PLSCR4: variants seen among roughly 807,000 people sequenced by gnomAD.
PLSCR4 encodes the protein phospholipid scramblase 4.
Under a neutral mutation model 36.3 loss-of-function variants are expected in PLSCR4, and 25 were observed. The observed-to-expected ratio is 0.69, with a 90% CI of 0.50 to 0.96. The LOEUF is 0.96. PLSCR4 is among the 40% of genes least tolerant of loss of function. PLSCR4 has a pLI of 0.00. For missense variants in PLSCR4, 408 were observed against 414.7 expected, an observed-to-expected ratio of 0.98 and a Z score of 0.14; for synonymous variants, 122 against 132.9, an observed-to-expected ratio of 0.92 and a Z score of 0.56.
intron 1 of PLSCR4, among the ~76,000 whole-genome samples, chr3:146,239,492 G>C (rs2107844773): frequency 7.2e-6 from 1 of 138,254 alleles, no homozygotes; most frequent in East Asian, 2.2e-4. Context: ...TCAACAAATA[G>C]TGCTGAGACA....
At chr3:146,207,974 G>C (rs1375028200) in intron 3 of PLSCR4, among the ~76,000 whole-genome samples, 1 of 151,986 alleles carries the variant, frequency 6.6e-6, no homozygotes, top group Non-Finnish European at 1.5e-5. Context: ...CATAGCCAAA[G>C]CAAAACTAAG....
intron 3 of PLSCR4, among the ~76,000 whole-genome samples, chr3:146,218,912 T>A (rs1252840479): frequency 1.3e-5 from 2 of 152,170 alleles, no homozygotes; most frequent in African/African-American, 4.8e-5. Flanking sequence ...ACAAGAATAG[T>A]GGATAAAATT....
In PLSCR4 at chr3:146,210,249, G is replaced by A. The variant is rs867100441; in HGVS notation, c.119-3488C>T. Among the ~76,000 whole-genome samples the A allele has an allele frequency of 1.9e-4, 29 of 152,120 alleles. No homozygotes were observed. In the Middle Eastern group the frequency reaches 0.01, roughly 54 times the overall value. ...TCCACACTTTTTTGAATCCATGGAT[G>A]AAGAATTCACAAATATAGGGGTCCA... On this transcript the variant is annotated intron_variant, in intron 3 of 8. Coordinates refer to ENST00000354952, the MANE Select transcript of PLSCR4 (RefSeq NM_020353.3).
intron 3 of PLSCR4, among the ~76,000 whole-genome samples, chr3:146,208,862 A>G (rs570596422): frequency 5.3e-5 from 8 of 152,154 alleles, no homozygotes; most frequent in Non-Finnish European, 1.2e-4. Flanking sequence ...GAGATTCCTT[A>G]AAGAACTAAA....
chr3:146,207,483 G>A (rs147047155), intron 3 of PLSCR4, among the ~76,000 whole-genome samples: 245 of 152,224 alleles, frequency 1.6e-3, no homozygotes, highest in African/African-American at 5.7e-3. Flanking sequence ...AACCTGGTGA[G>A]AGCCTTTCCT....
intron 3 of PLSCR4, among the ~76,000 whole-genome samples, chr3:146,207,221 T>G (rs1262986177): frequency 6.6e-6 from 1 of 152,166 alleles, no homozygotes; most frequent in Non-Finnish European, 1.5e-5. Context: ...AATGTCTACT[T>G]CATTTCAAAG....
chr3:146,236,591 A>G (rs1389164005), intron 1 of PLSCR4, among the ~76,000 whole-genome samples: 1 of 152,098 alleles, frequency 6.6e-6, no homozygotes, highest in Non-Finnish European at 1.5e-5. Context: ...CATAAGGGGA[A>G]GTTTCCCTGC....
At chr3:146,197,155 G>C (rs1395850278) in intron 6 of PLSCR4, among the ~76,000 whole-genome samples, 1 of 152,166 alleles carries the variant, frequency 6.6e-6, no homozygotes, top group South Asian at 2.1e-4. Flanking sequence ...AGGCTTGCAA[G>C]TGTTAAACAC....
intron 1 of PLSCR4, among the ~76,000 whole-genome samples, chr3:146,234,105 A>T (rs1324467515): frequency 1.3e-5 from 2 of 152,220 alleles, no homozygotes; most frequent in Non-Finnish European, 2.9e-5. Context: ...CCTAAACAGA[A>T]TGAATGAACA....
chr3:146,208,322 A>T (rs2034443202), intron 3 of PLSCR4, among the ~76,000 whole-genome samples: 1 of 152,176 alleles, frequency 6.6e-6, no homozygotes, highest in African/African-American at 2.4e-5. Flanking sequence ...GAAACTATAA[A>T]AATTCTAGAA....
At chr3:146,245,395 A>T (rs116487679) in intron 1 of PLSCR4, among the ~76,000 whole-genome samples, 1,522 of 152,110 alleles carry the variant, frequency 0.01, 17 homozygotes, top group African/African-American at 0.035. Flanking sequence ...AACCCAAGTA[A>T]ATTTCCTCTA....
At chr3:146,232,170 T>G (rs1335287968) in intron 1 of PLSCR4, among the ~76,000 whole-genome samples, 1 of 152,164 alleles carries the variant, frequency 6.6e-6, no homozygotes, top group Non-Finnish European at 1.5e-5. Flanking sequence ...GTTGTAAGTG[T>G]GCAGCTTTAT....
chr3:146,221,426 C>G (rs938537633), intron 2 of PLSCR4, among the ~76,000 whole-genome samples: 11 of 152,276 alleles, frequency 7.2e-5, no homozygotes, highest in Admixed American at 2.0e-4. Flanking sequence ...ATAGTTTAGT[C>G]TACATCTCCA....
At chr3:146,231,814 A>T (rs2035727791) in intron 1 of PLSCR4, among the ~76,000 whole-genome samples, 1 of 151,882 alleles carries the variant, frequency 6.6e-6, no homozygotes, top group South Asian at 2.1e-4. Flanking sequence ...TTGTCTATTT[A>T]CTCTGTTGAT....
chr3:146,222,145 T>C (rs2035186022), intron 1 of PLSCR4, 53 bp from the exon 2 acceptor site: 1 of 633,644 alleles, frequency 1.6e-6, no homozygotes. Context: ...ATAAATAGTA[T>C]TGCTACTCAG....
intron 3 of PLSCR4, among the ~76,000 whole-genome samples, chr3:146,208,470 A>C (rs1468894263): frequency 1.3e-5 from 2 of 152,172 alleles, no homozygotes; most frequent in Non-Finnish European, 2.9e-5. Flanking sequence ...CAGCAAAAAC[A>C]ACAGTCAGCA....
intron 2 of PLSCR4, among the ~76,000 whole-genome samples, 160 bp downstream of exon 2, chr3:146,221,901 TAACA>T (rs1303338819): frequency 2.0e-5 from 3 of 151,956 alleles, no homozygotes; most frequent in South Asian, 2.1e-4. Context: ...TATACATAAA[TAACA>T]AATATATACA....
At chr3:146,212,499 G>A (rs891531025) in intron 3 of PLSCR4, among the ~76,000 whole-genome samples, 1 of 146,442 alleles carries the variant, frequency 6.8e-6, no homozygotes, top group Non-Finnish European at 1.5e-5. Flanking sequence ...CACCCAGGCT[G>A]AAGTGCAGTA....
At chr3:146,211,739 G>A (rs1411772428) in intron 3 of PLSCR4, among the ~76,000 whole-genome samples, 1 of 151,968 alleles carries the variant, frequency 6.6e-6, no homozygotes, top group Admixed American at 6.6e-5. Flanking sequence ...TTGTGTTTAG[G>A]GTGAGACAGT....
Sources: allele counts gnomAD v4.1 joint callset (sites outside exome capture counted in the v4.1 genomes callset), GRCh38; gene constraint gnomAD v4.1.1; transcripts MANE v1.5; gene names NCBI Gene and HGNC (gene_info 2026-07-23, HGNC 2026-07-21).